Variants in KLHL4 observed in about 807,000 individuals in gnomAD.
The protein encoded by KLHL4 is kelch like family member 4.
In KLHL4, 17 loss-of-function variants were observed where a neutral mutation model predicts 45.8. The observed-to-expected ratio is 0.37, with a 90% CI of 0.25 to 0.56. The LOEUF is 0.56. Ranked by LOEUF, KLHL4 falls within the 20% of genes least tolerant of loss-of-function variation. KLHL4 has a pLI of 0.79. For missense variants in KLHL4, 544 were observed against 544.9 expected (o/e 1.00, Z 0.02); for synonymous variants, 224 against 189.9 (o/e 1.18, Z -1.47).
intron 6 of KLHL4, 76 bp from the exon 7 acceptor site, chrX:87,632,134 A>T (rs2147823849): frequency 1.7e-6 from 1 of 599,080 alleles, no homozygotes; most frequent in Non-Finnish European, 2.7e-6. Flanking sequence ...ATGGGTACAT[A>T]ATTATAATGT....
intron 1 of KLHL4, among the ~76,000 whole-genome samples, chrX:87,521,570 G>A (rs912285881): frequency 9.0e-6 from 1 of 111,550 alleles, no homozygotes; most frequent in African/African-American, 3.3e-5. Flanking sequence ...ATAGAGTGAA[G>A]TAGAGGGCAC....
chrX:87,546,073 AAAC>A (rs1282123362), intron 1 of KLHL4, among the ~76,000 whole-genome samples: 2 of 111,854 alleles, frequency 1.8e-5, no homozygotes, highest in Non-Finnish European at 3.8e-5. Flanking sequence ...CAACAAAACA[AAAC>A]AAAACAAAAC....
At chrX:87,639,260 G>C (rs1374681732) in intron 9 of KLHL4, among the ~76,000 whole-genome samples, 2 of 111,185 alleles carry the variant, frequency 1.8e-5, no homozygotes, top group African/African-American at 6.5e-5. Flanking sequence ...GGGGACTTCA[G>C]TACTCCATTC....
intron 1 of KLHL4, among the ~76,000 whole-genome samples, chrX:87,525,527 GTGTT>G (rs1489450300): frequency 7.2e-5 from 8 of 111,111 alleles, no homozygotes; most frequent in East Asian, 5.6e-4. Context: ...TTCAGCTATG[GTGTT>G]TGTTTGAGAA....
intron 1 of KLHL4, among the ~76,000 whole-genome samples, chrX:87,569,404 G>C (rs1183429288): frequency 2.7e-5 from 3 of 111,290 alleles, no homozygotes; most frequent in African/African-American, 9.8e-5. Flanking sequence ...GTAGAAAACT[G>C]TTTAGAAGCT....
Position 87,614,505 on chromosome X carries a change from A to T in KLHL4, c.662A>T (p.Glu221Val), listed in dbSNP as rs140039413. Residue 221 changes from glutamate to valine, a missense_variant, in exon 3 of 11, where the codon GAA (glutamate) becomes GTA (valine). By Grantham distance (121) the Glu-to-Val change is moderately radical. Coordinates refer to ENST00000373119, the MANE Select transcript of KLHL4 (RefSeq NM_019117.5). The part of the protein sequence containing the change: ...FTNDVLEAKQ[E>V]EVRMEGVDPN... ...AATGATGTGCTTGAAGCCAAACAAGAAGAGGTCAGGATGGAAGGAGTAGAT... is the reference window on the plus strand; with the variant it reads ...AATGATGTGCTTGAAGCCAAACAAGTAGAGGTCAGGATGGAAGGAGTAGAT... The T allele has an allele frequency of 3.6e-5, 43 of 1,207,097 alleles. No individual in the cohort carries two copies. Among genetic ancestry groups the T allele is most frequent in the South Asian group, 5.3e-5 (3 of 56,750 alleles).
At chrX:87,631,388 T>G (rs1489433059) in intron 6 of KLHL4, among the ~76,000 whole-genome samples, 1 of 111,973 alleles carries the variant, frequency 8.9e-6, no homozygotes, top group African/African-American at 3.2e-5. Flanking sequence ...GGGCTGCTTT[T>G]GATTAGAAAG....
At chrX:87,600,209 C>A (rs1032139355) in intron 1 of KLHL4, among the ~76,000 whole-genome samples, 2 of 110,698 alleles carry the variant, frequency 1.8e-5, no homozygotes, top group African/African-American at 3.3e-5. Flanking sequence ...TAGCACCAGC[C>A]GGGGAGGTGG....
chrX:87,570,346 C>A (rs1209306251), intron 1 of KLHL4, among the ~76,000 whole-genome samples: 1 of 110,460 alleles, frequency 9.1e-6, no homozygotes, highest in Non-Finnish European at 1.9e-5. Flanking sequence ...ATATAGATTG[C>A]CTGTTATAAG....
intron 1 of KLHL4, among the ~76,000 whole-genome samples, chrX:87,525,046 C>T (rs1322673331): frequency 9.0e-6 from 1 of 111,151 alleles, no homozygotes; most frequent in East Asian, 2.8e-4. Flanking sequence ...TGCATAAATC[C>T]TACACATTAG....
At chrX:87,659,628 G>T (rs1924119553) in intron 9 of KLHL4, among the ~76,000 whole-genome samples, 2 of 109,749 alleles carry the variant, frequency 1.8e-5, no homozygotes, top group Non-Finnish European at 3.8e-5. Flanking sequence ...TTTTTCTCTT[G>T]GCTTTAGCAT....
At chrX:87,573,522 T>C (rs1602423793) in intron 1 of KLHL4, among the ~76,000 whole-genome samples, 1 of 110,946 alleles carries the variant, frequency 9.0e-6, no homozygotes, top group Admixed American at 9.6e-5. Context: ...AATGAATAGA[T>C]GGATGGGAAT....
At chrX:87,652,248 G>C (rs1923841003) in intron 9 of KLHL4, among the ~76,000 whole-genome samples, 1 of 112,429 alleles carries the variant, frequency 8.9e-6, no homozygotes, top group Admixed American at 9.4e-5. Flanking sequence ...CTGCAATGAA[G>C]ATCTCTGGCA....
At chrX:87,535,947 ATTG>A (rs1465983367) in intron 1 of KLHL4, among the ~76,000 whole-genome samples, 1 of 109,636 alleles carries the variant, frequency 9.1e-6, no homozygotes, top group African/African-American at 3.3e-5. Flanking sequence ...ACCTGCCATG[ATTG>A]TTAAGTTTTT....
At chrX:87,656,559 T>G (rs1923996509) in intron 9 of KLHL4, among the ~76,000 whole-genome samples, 1 of 109,044 alleles carries the variant, frequency 9.2e-6, no homozygotes, top group African/African-American at 3.3e-5. Context: ...TTAAAAACTC[T>G]ATCTCTTTGG....
chrX:87,620,425 T>G (rs1381965494), intron 4 of KLHL4, among the ~76,000 whole-genome samples: 1 of 111,893 alleles, frequency 8.9e-6, no homozygotes, highest in Admixed American at 9.5e-5. Flanking sequence ...TAGACTAATC[T>G]ACTATATTGC....
intron 1 of KLHL4, among the ~76,000 whole-genome samples, chrX:87,593,845 C>T (rs981543426): frequency 4.5e-5 from 5 of 111,259 alleles, no homozygotes; most frequent in African/African-American, 1.6e-4. Context: ...ATCTTCACAG[C>T]CATCACCTTG....
chrX:87,615,512 C>A (rs767774667), intron 3 of KLHL4, among the ~76,000 whole-genome samples: 2 of 111,144 alleles, frequency 1.8e-5, no homozygotes, highest in Non-Finnish European at 3.8e-5. Flanking sequence ...AACATGTCCA[C>A]ACAACAGTGT....
intron 1 of KLHL4, among the ~76,000 whole-genome samples, chrX:87,586,587 G>A (rs1921480686): frequency 9.0e-6 from 1 of 110,894 alleles, no homozygotes; most frequent in Non-Finnish European, 1.9e-5. Flanking sequence ...AAGTGGTAAT[G>A]GAAACACAAC....
Sources: gnomAD v4.1 joint callset for allele counts (sites outside exome capture counted in the v4.1 genomes callset) on GRCh38, gnomAD v4.1.1 for gene constraint, MANE v1.5 for transcripts, NCBI Gene and HGNC (gene_info 2026-07-23, HGNC 2026-07-21) for gene names.